Variants in NBAS observed in about 807,000 individuals in gnomAD.
The protein encoded by NBAS is NBAS subunit of NRZ tethering complex.
A neutral mutation model predicts 302.5 loss-of-function variants in NBAS; 219 were observed. The observed-to-expected ratio is 0.72, with a 90% confidence interval of 0.65 to 0.81. The LOEUF (loss-of-function observed/expected upper bound fraction) is 0.81. NBAS is among the 30% of genes least tolerant of loss of function. The pLI is 0.00. For missense variants in NBAS, 2,932 were observed against 2,841.6 expected (o/e 1.03, Z -0.72); for synonymous variants, 1,118 against 1,021.6 (o/e 1.09, Z -1.80).
the NBAS span, among the ~76,000 whole-genome samples, chr2:15,081,734 T>A: frequency 6.6e-6 from 1 of 152,218 alleles, no homozygotes; most frequent in African/African-American, 2.4e-5. Context: ...GCCTGTAAGA[T>A]GACTGCCCTT....
At chr2:15,332,526 C>A (rs996482152) in intron 35 of NBAS, among the ~76,000 whole-genome samples, 1 of 151,432 alleles carries the variant, frequency 6.6e-6, no homozygotes, top group African/African-American at 2.4e-5. Flanking sequence ...TATTCTAAAC[C>A]GGTTTGGTCA....
chr2:15,156,093 T>C, the NBAS span, among the ~76,000 whole-genome samples: 779 of 152,310 alleles, frequency 5.1e-3, 4 homozygotes, highest in Non-Finnish European at 7.6e-3. Flanking sequence ...GCCCAAAAAA[T>C]GTTGCCTTCT....
chr2:15,530,777 G>T (rs932665473), intron 9 of NBAS, among the ~76,000 whole-genome samples: 17 of 151,690 alleles, frequency 1.1e-4, no homozygotes, highest in African/African-American at 3.9e-4. Context: ...ATAATTCAAA[G>T]AATTTTCCCA....
At chr2:15,536,048 T>G (rs1183970184) in intron 8 of NBAS, among the ~76,000 whole-genome samples, 1 of 152,222 alleles carries the variant, frequency 6.6e-6, no homozygotes, top group Non-Finnish European at 1.5e-5. Context: ...ATAATCAAGA[T>G]GTATGCATTT....
At chr2:15,154,441 G>A in the NBAS span, among the ~76,000 whole-genome samples, 2 of 152,166 alleles carry the variant, frequency 1.3e-5, no homozygotes. Flanking sequence ...TCTTAGCTGT[G>A]ACTTCTAGCT....
chr2:15,501,002 C>G (rs1661516885), intron 11 of NBAS, among the ~76,000 whole-genome samples: 1 of 150,140 alleles, frequency 6.7e-6, no homozygotes, highest in African/African-American at 2.5e-5. Context: ...TTAACATACT[C>G]TTTTAAAAGA....
downstream of NBAS, among the ~76,000 whole-genome samples, chr2:15,162,988 A>G (rs564315635): frequency 3.3e-5 from 5 of 152,308 alleles, no homozygotes; most frequent in East Asian, 9.7e-4. Flanking sequence ...TTCCAAAAAG[A>G]TAAGACCCAG....
At chr2:14,977,640 A>G in the NBAS span, among the ~76,000 whole-genome samples, 2 of 152,218 alleles carry the variant, frequency 1.3e-5, no homozygotes, top group African/African-American at 2.4e-5. Context: ...TAGCCATCTT[A>G]GAAATCTCAC....
the NBAS span, among the ~76,000 whole-genome samples, chr2:15,154,786 G>A: frequency 6.6e-6 from 1 of 152,100 alleles, no homozygotes; most frequent in Non-Finnish European, 1.5e-5. Context: ...AGAGTGGGGG[G>A]TTCAAGAGAA....
the NBAS span, among the ~76,000 whole-genome samples, chr2:14,878,908 A>G: frequency 6.6e-6 from 1 of 151,720 alleles, no homozygotes; most frequent in South Asian, 2.1e-4. Flanking sequence ...CCATTATAGC[A>G]TCATACAGAG....
the NBAS span, among the ~76,000 whole-genome samples, chr2:15,060,251 CT>C: frequency 6.6e-6 from 1 of 152,196 alleles, no homozygotes; most frequent in Non-Finnish European, 1.5e-5. Flanking sequence ...TCCATCCCCC[CT>C]GCCATGTCCG....
At chr2:14,784,843 C>A in the NBAS span, among the ~76,000 whole-genome samples, 360 of 152,150 alleles carry the variant, frequency 2.4e-3, 3 homozygotes, top group African/African-American at 7.6e-3. Flanking sequence ...CAGTTTTTTC[C>A]AATTCTGTGA....
chr2:15,296,320 C>G (rs1035593153), intron 40 of NBAS, among the ~76,000 whole-genome samples: 1 of 152,140 alleles, frequency 6.6e-6, no homozygotes. Context: ...AGGTGGACCC[C>G]TTGAGGTCAG....
chr2:15,446,643 A>G (rs1039114684), intron 21 of NBAS, among the ~76,000 whole-genome samples: 1 of 152,188 alleles, frequency 6.6e-6, no homozygotes, highest in Non-Finnish European at 1.5e-5. Context: ...AAAACAAAAT[A>G]CATTTTCAAT....
At chr2:14,905,495 C>A in the NBAS span, among the ~76,000 whole-genome samples, 1 of 152,132 alleles carries the variant, frequency 6.6e-6, no homozygotes, top group Admixed American at 6.5e-5. Flanking sequence ...GGCCAACAAC[C>A]CAACTCTCTC....
intron 7 of NBAS, 85 bp downstream of exon 7, chr2:15,539,137 TC>T (rs1663668393): frequency 7.8e-6 from 12 of 1,541,888 alleles, no homozygotes; most frequent in South Asian, 1.1e-5. Flanking sequence ...ATTTGTATTA[TC>T]CCCCCCTTCA....
At chr2:15,503,906 G>A (rs1661706769) in intron 11 of NBAS, among the ~76,000 whole-genome samples, 1 of 152,102 alleles carries the variant, frequency 6.6e-6, no homozygotes, top group African/African-American at 2.4e-5. Flanking sequence ...ATCCCCAAGA[G>A]GGCTGGGTAT....
At chr2:15,508,611 T>C (rs1204449646) in intron 10 of NBAS, among the ~76,000 whole-genome samples, 1 of 152,036 alleles carries the variant, frequency 6.6e-6, no homozygotes, top group Non-Finnish European at 1.5e-5. Context: ...AGACCAGTTA[T>C]TAACATTTTG....
At chr2:15,345,306 G>A (rs1264563967) in intron 35 of NBAS, among the ~76,000 whole-genome samples, 3 of 152,068 alleles carry the variant, frequency 2.0e-5, no homozygotes, top group Non-Finnish European at 2.9e-5. Context: ...CAACTTCAGC[G>A]AAGACTCAGG....
Sources: gnomAD v4.1 joint callset for allele counts (sites outside exome capture counted in the v4.1 genomes callset) on GRCh38, gnomAD v4.1.1 for gene constraint, MANE v1.5 for transcripts, NCBI Gene and HGNC (gene_info 2026-07-23, HGNC 2026-07-21) for gene names.